The following PCDHGB6 variants were observed in gnomAD, a reference collection of about 807,000 sequenced individuals.
PCDHGB6 encodes protocadherin gamma subfamily B, 6.
Under a neutral mutation model 59.1 loss-of-function variants are expected in PCDHGB6, and 51 were observed. The ratio of observed to expected loss-of-function variants is 0.86; its 90% CI spans 0.69 to 1.09. The LOEUF is 1.09. PCDHGB6 is among the 50% of genes least tolerant of loss of function. The pLI, the probability that PCDHGB6 is intolerant of heterozygous loss-of-function variation, is 0.00. For synonymous variants in PCDHGB6, 466 were observed against 495.1 expected, an observed-to-expected ratio of 0.94 and a Z score of 0.78; for missense variants, 1,148 against 1,205.1, an observed-to-expected ratio of 0.95 and a Z score of 0.70.
chr5:141,409,459 T>A lies in PCDHGB6; in HGVS notation c.1257T>A (p.Asn419Lys), dbSNP rs139792503. 3.7e-6 allele frequency: 6 copies of A among 1,613,832 alleles called. 1 individual carries two copies. The highest frequency in any genetic ancestry group is 3.3e-4 in the Middle Eastern group (2 of 6,084). ...ACCGAGAGCAGACACCAGAATACAATGTCACCATCGTAGCCACTGACAGGG... is the reference window on the plus strand; with the variant it reads ...ACCGAGAGCAGACACCAGAATACAAAGTCACCATCGTAGCCACTGACAGGG... ...ALDREQTPEY[N>K]VTIVATDRGK... is the part of the protein sequence containing the mutation. The change falls in exon 1 of 4, where the codon AAT (asparagine) becomes AAA (lysine). Residue 419 changes from asparagine (N) to lysine (K), a missense_variant. Transcript: ENST00000520790.
chr5:141,464,707 A>G (rs1052234067), intron 1 of PCDHGB6, among the ~76,000 whole-genome samples: 13 of 152,112 alleles, frequency 8.5e-5, no homozygotes, highest in African/African-American at 3.1e-4. Flanking sequence ...ATGAGGTTAA[A>G]TAGTTTTTCA....
At chr5:141,445,575 G>A (rs571896159) in intron 1 of PCDHGB6, among the ~76,000 whole-genome samples, 18 of 152,262 alleles carry the variant, frequency 1.2e-4, no homozygotes, top group African/African-American at 4.3e-4. Flanking sequence ...CTTATAGTAG[G>A]GAAGCTTCGC....
Position 141,485,931 on chromosome 5 carries a change from A to C in PCDHGB6, c.2419-8876A>C, listed in dbSNP as rs761979804. 3 of 1,614,192 alleles carry C rather than the reference A, an allele frequency of 1.9e-6. No individual in the cohort carries two copies. In the South Asian group the frequency reaches 3.3e-5, roughly 18 times the overall value. On this transcript the variant is annotated intron_variant, in intron 1 of 3. Transcript: ENST00000520790. This position sits in a 1 kb window ranked among gnomAD's most constrained non-coding sequence, Gnocchi z 5.7. Reference sequence around the variant, plus strand: ...TCCAGCTACAGGATTAGTGTGTTGGAGAGCGCACCAGCGGGCATGGTGCTC... The same window carrying C: ...TCCAGCTACAGGATTAGTGTGTTGGCGAGCGCACCAGCGGGCATGGTGCTC...
intron 1 of PCDHGB6, chr5:141,412,090 T>C (rs1008718786): frequency 3.3e-5 from 5 of 152,218 alleles, no homozygotes; most frequent in Admixed American, 2.0e-4. Flanking sequence ...ACTGGGTTGA[T>C]GGGCACACAC....
chr5:141,485,446 C>A lies in PCDHGB6; in HGVS notation c.2419-9361C>A. On this transcript the variant is annotated intron_variant, in intron 1 of 3. Transcript: ENST00000520790. This position sits in a 1 kb window ranked among gnomAD's most constrained non-coding sequence, Gnocchi z 5.7. ...CCCTGCTCATCAAGAACCCAATCGA[C>A]CGAGAGGCACTGTGTGGGCTCAGTG... is the stretch of plus-strand genomic sequence containing the variant. 6.2e-7 allele frequency: 1 copy of A among 1,614,156 alleles called. No individual in the cohort carries two copies. The highest frequency in any genetic ancestry group is 8.5e-7 in the Non-Finnish European group (1 of 1,180,018).
At chr5:141,423,360 G>A (rs762976655) in intron 1 of PCDHGB6, 1 of 1,614,224 alleles carries the variant, frequency 6.2e-7, no homozygotes, top group Non-Finnish European at 8.5e-7. Context: ...TTGTCATCGT[G>A]CTGCTGGCAC....
chr5:141,427,454 T>C (rs62379160), intron 1 of PCDHGB6: 18,356 of 489,902 alleles, frequency 0.037, 441 homozygotes, highest in Middle Eastern at 0.11. Context: ...GAGTTCCTTT[T>C]AGAATCGAAT....
rs1457765340 is a variant in PCDHGB6 at position 141,491,122 on chromosome 5, G to GT, written c.2419-3684dup. 1 of 1,614,058 alleles carries GT rather than the reference G, an allele frequency of 6.2e-7. No homozygotes were observed. Among genetic ancestry groups the GT allele is most frequent in the Non-Finnish European group, 8.5e-7 (1 of 1,180,036 alleles). Reference sequence around the variant, plus strand: ...CCTCGTGTCTACACACACTGGTGAGGTGCGCACAGCCCGGGCCTTACTGGA... The same window carrying GT: ...CCTCGTGTCTACACACACTGGTGAGGTTGCGCACAGCCCGGGCCTTACTGGA... On this transcript the variant is annotated intron_variant, in intron 1 of 3. Coordinates refer to ENST00000520790, the MANE Select transcript of PCDHGB6 (RefSeq NM_018926.3). The surrounding 1 kb of genome is among the most constrained non-coding windows in gnomAD (Gnocchi z 6.9).
intron 1 of PCDHGB6, among the ~76,000 whole-genome samples, chr5:141,463,948 C>A (rs1397198849): frequency 6.6e-6 from 1 of 151,846 alleles, no homozygotes; most frequent in Non-Finnish European, 1.5e-5. Context: ...TAGAAATCTT[C>A]ATTTTTAAAA....
At chr5:141,507,807 A>AACGG (rs1465406594) in intron 3 of PCDHGB6, among the ~76,000 whole-genome samples, 2 of 152,152 alleles carry the variant, frequency 1.3e-5, no homozygotes, top group East Asian at 3.9e-4. Flanking sequence ...CGCCCTGGGG[A>AACGG]ACGGACCCTG....
chr5:141,433,837 C>CAAAAAAAAA (rs56191208), intron 1 of PCDHGB6, among the ~76,000 whole-genome samples: 1 of 111,704 alleles, frequency 9.0e-6, no homozygotes, highest in Non-Finnish European at 1.9e-5. Flanking sequence ...AACTCTATCT[C>CAAAAAAAAA]AAAAAAAAAA....
At chr5:141,475,813 T>C in intron 1 of PCDHGB6, 1 of 334,788 alleles carries the variant, frequency 3.0e-6, no homozygotes, top group East Asian at 5.5e-5. Flanking sequence ...GAAAGTGAAG[T>C]TCCTGGCGCT....
intron 1 of PCDHGB6, chr5:141,413,476 G>A: frequency 6.2e-7 from 1 of 1,614,122 alleles, no homozygotes; most frequent in Non-Finnish European, 8.5e-7. Context: ...GGAGCTCTGC[G>A]CTCAGAGCGC....
At chr5:141,452,897 T>C (rs1447851469) in intron 1 of PCDHGB6, among the ~76,000 whole-genome samples, 1 of 152,230 alleles carries the variant, frequency 6.6e-6, no homozygotes, top group Non-Finnish European at 1.5e-5. Flanking sequence ...CCACTTTTAT[T>C]AGTTGGCATT....
intron 1 of PCDHGB6, chr5:141,418,106 G>T (rs2096223296): frequency 6.2e-7 from 1 of 1,613,954 alleles, no homozygotes. Flanking sequence ...GCAGAGCGGG[G>T]ACTTACTTGT....
chr5:141,433,208 C>CTTTT, intron 1 of PCDHGB6: 1 of 1,293,074 alleles, frequency 7.7e-7, no homozygotes, highest in African/African-American at 1.5e-5. Flanking sequence ...AATCTTCTTT[C>CTTTT]TTTTTTTTTT....
At chr5:141,448,667 G>A (rs1262994760) in intron 1 of PCDHGB6, among the ~76,000 whole-genome samples, 6 of 151,990 alleles carry the variant, frequency 3.9e-5, no homozygotes, top group African/African-American at 9.7e-5. Flanking sequence ...TTGGCCGGGC[G>A]CGGTGGCTCA....
Position 141,409,082 on chromosome 5 carries a change from T to C in PCDHGB6, c.880T>C (p.Leu294=), listed in dbSNP as rs1332697516. 3.7e-6 allele frequency: 6 copies of C among 1,613,878 alleles called. No homozygotes were observed. Among genetic ancestry groups the C allele is most frequent in the African/African-American group, 1.3e-5 (1 of 74,928 alleles). The change falls in exon 1 of 4, where the codon TTG becomes CTG. Residue 294 remains leucine, a synonymous_variant. Coordinates refer to ENST00000520790, the MANE Select transcript of PCDHGB6 (RefSeq NM_018926.3). ...CCAGAGCACAAAACATATGTTCTCA[T>C]TGGATGAGAAAACAGGTATGATTAA... ...TAQSTKHMFS[L]DEKTGMIKNN...
chr5:141,415,599 C>G (rs201075690), intron 1 of PCDHGB6: 321 of 1,613,514 alleles, frequency 2.0e-4, no homozygotes, highest in South Asian at 6.6e-4. Context: ...TAGAGGATAC[C>G]CCATTGGTTC....
Sources: gnomAD v4.1 joint callset for allele counts (sites outside exome capture counted in the v4.1 genomes callset) on GRCh38, gnomAD v4.1.1 for gene constraint, Gnocchi (gnomAD v3.1) non-coding constraint, MANE v1.5 for transcripts, NCBI Gene and HGNC (gene_info 2026-07-23, HGNC 2026-07-21) for gene names.